Variants in CAMK1D observed in about 807,000 individuals in gnomAD.
The protein encoded by CAMK1D is calcium/calmodulin dependent protein kinase ID, also known as calcium/calmodulin-dependent protein kinase type 1D.
CAMK1D carries 9 observed loss-of-function variants against 47.7 expected under a neutral mutation model. That is an observed-to-expected ratio of 0.19 (90% CI 0.11 to 0.33). The LOEUF is 0.33. CAMK1D is among the 10% of genes least tolerant of loss of function. The pLI, the probability that CAMK1D is intolerant of heterozygous loss-of-function variation, is 1.00. For missense variants in CAMK1D, 291 were observed against 488.7 expected (o/e 0.60, Z 3.81); for synonymous variants, 184 against 184.9 (o/e 0.99, Z 0.04).
At chr10:12,368,269 A>G (rs1003254977) in intron 1 of CAMK1D, among the ~76,000 whole-genome samples, 6 of 151,988 alleles carry the variant, frequency 3.9e-5, no homozygotes, top group African/African-American at 1.4e-4. Flanking sequence ...ACTCCCAGCT[A>G]CTTGGGAGGC....
At chr10:12,514,560 G>T (rs1053454979) in intron 1 of CAMK1D, among the ~76,000 whole-genome samples, 1 of 152,232 alleles carries the variant, frequency 6.6e-6, no homozygotes, top group Non-Finnish European at 1.5e-5. Flanking sequence ...AAGTCAAGAA[G>T]TATGTGGGGC....
rs1319899692 is a variant in CAMK1D, at chr10:12,553,217, G to T, written c.93-8G>T. The T allele has an allele frequency of 4.3e-6, 7 of 1,611,242 alleles. No individual in the cohort carries two copies. The highest frequency in any genetic ancestry group is 3.4e-5 in the Admixed American group (2 of 59,254). On this transcript the variant is annotated splice_region_variant and splice_polypyrimidine_tract_variant and intron_variant, in intron 1 of 10. Coordinates refer to ENST00000619168, the MANE Select transcript of CAMK1D (RefSeq NM_153498.4). ...TCTAAGTGTTCTTTTTTCCTTCTTTGTTCACAGCGGGGCCTTTTCCGAAGT... is the reference window on the plus strand; with the variant it reads ...TCTAAGTGTTCTTTTTTCCTTCTTTTTTCACAGCGGGGCCTTTTCCGAAGT...
intron 2 of CAMK1D, among the ~76,000 whole-genome samples, chr10:12,601,254 A>G (rs1838295419): frequency 6.7e-6 from 1 of 148,366 alleles, no homozygotes. Flanking sequence ...ATTTACAAGC[A>G]TTCCATGTCC....
At chr10:12,503,721 C>G (rs1304490843) in intron 1 of CAMK1D, among the ~76,000 whole-genome samples, 1 of 152,134 alleles carries the variant, frequency 6.6e-6, no homozygotes, top group African/African-American at 2.4e-5. Context: ...ATGATTTTCC[C>G]CCTTTTCCAT....
rs1251223132 is a variant in CAMK1D at position 12,824,560 on chromosome 10, T to C, written c.921+8T>C. The C allele has an allele frequency of 1.2e-6, 2 of 1,610,216 alleles. No individual in the cohort carries two copies. Among genetic ancestry groups the C allele is most frequent in the Non-Finnish European group, 1.7e-6 (2 of 1,176,614 alleles). The stretch of plus-strand genomic sequence containing the variant: ...GCCAAGAGCAAATGGAGAGTAAGTG[T>C]GGAGTATATGAAATTCCCCGTGGAT... On this transcript the variant is annotated splice_region_variant and intron_variant, in intron 9 of 10. Coordinates refer to ENST00000619168, the MANE Select transcript of CAMK1D (RefSeq NM_153498.4).
intron 3 of CAMK1D, among the ~76,000 whole-genome samples, chr10:12,677,742 A>T (rs369403616): frequency 6.6e-6 from 1 of 152,180 alleles, no homozygotes; most frequent in Non-Finnish European, 1.5e-5. Context: ...TGAGTCTATG[A>T]GGGACTTTGT....
intron 3 of CAMK1D, among the ~76,000 whole-genome samples, chr10:12,740,419 C>T (rs1321769955): frequency 1.3e-5 from 2 of 151,918 alleles, no homozygotes; most frequent in Non-Finnish European, 2.9e-5. Flanking sequence ...GGCAACATGG[C>T]GAAACCTCAT....
At chr10:12,409,109 A>G (rs565474487) in intron 1 of CAMK1D, among the ~76,000 whole-genome samples, 4 of 151,902 alleles carry the variant, frequency 2.6e-5, no homozygotes, top group African/African-American at 9.7e-5. Flanking sequence ...TGCCTGCCTC[A>G]ACCTCCCAAA....
chr10:12,460,389 T>C (rs1833388960), intron 1 of CAMK1D, among the ~76,000 whole-genome samples: 1 of 151,972 alleles, frequency 6.6e-6, no homozygotes. Context: ...GTCTCCCGAG[T>C]AGTTGGGACT....
chr10:12,462,099 A>G lies in CAMK1D; in HGVS notation c.93-91126A>G, dbSNP rs564435274. 2.6e-5 allele frequency among the ~76,000 whole-genome samples: 4 copies of G among 151,510 alleles called. No individual in the cohort carries two copies. In the South Asian group the frequency reaches 8.4e-4, roughly 32 times the overall value. ...AAGTCCAAATTCTGTTAATTTTATGAAAATTCACTTATTTTTCATTACTAA... is the reference window on the plus strand; with the variant it reads ...AAGTCCAAATTCTGTTAATTTTATGGAAATTCACTTATTTTTCATTACTAA... On this transcript the variant is annotated intron_variant, in intron 1 of 10. Coordinates refer to ENST00000619168, the MANE Select transcript of CAMK1D (RefSeq NM_153498.4).
chr10:12,721,741 A>G (rs117663500), intron 3 of CAMK1D, among the ~76,000 whole-genome samples: 1,690 of 152,300 alleles, frequency 0.011, 19 homozygotes, highest in Non-Finnish European at 0.017. Context: ...ATTAGGCCAC[A>G]TGGCTCGATG....
intron 2 of CAMK1D, among the ~76,000 whole-genome samples, chr10:12,568,335 CCCCCTCCTCTCCCCCT>C (rs1457766509): frequency 1.1e-4 from 1 of 9,214 alleles, no homozygotes; most frequent in Non-Finnish European, 2.4e-4. Context: ...CCCACCCCTC[CCCCCTCCTCTCCCCCT>C]CCCCTCCTCT....
chr10:12,684,385 C>T (rs1832570747), intron 3 of CAMK1D, among the ~76,000 whole-genome samples: 1 of 151,896 alleles, frequency 6.6e-6, no homozygotes, highest in Non-Finnish European at 1.5e-5. Context: ...CGGAAGTAGC[C>T]ACAACCAGGA....
At chr10:12,676,109 C>T (rs569678793) in intron 3 of CAMK1D, among the ~76,000 whole-genome samples, 4 of 152,186 alleles carry the variant, frequency 2.6e-5, no homozygotes, top group African/African-American at 7.2e-5. Context: ...CCTGCCACTA[C>T]GCCTGGCTAA....
At position 12,453,430 on chromosome 10, in the gene CAMK1D, C is replaced by T. The variant is rs561041345; in HGVS notation, c.93-99795C>T. On this transcript the variant is annotated intron_variant, in intron 1 of 10. Transcript: ENST00000619168. The stretch of plus-strand genomic sequence containing the variant: ...GTCTTGAACTCCTGACCTCATGATC[C>T]GCCTGCCTCGGCCTCCCAAAGTGCT... Among the ~76,000 whole-genome samples the T allele has an allele frequency of 2.6e-4, 39 of 152,130 alleles. No individual in the cohort carries two copies. The East Asian group carries it at 7.3e-3, about 29-fold the overall frequency.
intron 1 of CAMK1D, among the ~76,000 whole-genome samples, chr10:12,501,174 A>C (rs968041986): frequency 6.6e-6 from 1 of 152,198 alleles, no homozygotes; most frequent in African/African-American, 2.4e-5. Context: ...TCCCAGCCTA[A>C]GTGGGTTGTA....
intron 1 of CAMK1D, among the ~76,000 whole-genome samples, chr10:12,476,282 ACT>A (rs1833900780): frequency 6.6e-6 from 1 of 151,320 alleles, no homozygotes; most frequent in African/African-American, 2.4e-5. Context: ...ACAGAACGAG[ACT>A]CTGTTTCAAA....
chr10:12,748,722 C>T (rs1835793886), intron 3 of CAMK1D, among the ~76,000 whole-genome samples: 2 of 152,160 alleles, frequency 1.3e-5, no homozygotes, highest in Admixed American at 6.5e-5. Context: ...GTCCATTAGT[C>T]CATCAGTGGG....
chr10:12,424,083 A>G (rs1840146726), intron 1 of CAMK1D, among the ~76,000 whole-genome samples: 1 of 151,988 alleles, frequency 6.6e-6, no homozygotes, highest in Non-Finnish European at 1.5e-5. Flanking sequence ...TCTCCCTCGC[A>G]TGTCCCCACC....
Sources: allele counts gnomAD v4.1 joint callset (sites outside exome capture counted in the v4.1 genomes callset), GRCh38; gene constraint gnomAD v4.1.1; transcripts MANE v1.5; gene names NCBI Gene and HGNC (gene_info 2026-07-23, HGNC 2026-07-21).